SPTBN5: variants seen among roughly 807,000 people sequenced by gnomAD.
SPTBN5 encodes spectrin beta chain, non-erythrocytic 5.
A neutral mutation model predicts 477.6 loss-of-function variants in SPTBN5; 513 were observed. That is an observed-to-expected ratio of 1.07 (90% CI 1.00 to 1.16). SPTBN5 has a LOEUF of 1.16. Ranked by LOEUF, SPTBN5 falls within the 50% of genes most tolerant of loss-of-function variation. The pLI, the probability that SPTBN5 is intolerant of heterozygous loss-of-function variation, is 0.00. For missense variants in SPTBN5, 5,062 were observed against 4,731.8 expected, an observed-to-expected ratio of 1.07 and a Z score of -2.05; for synonymous variants, 2,169 against 2,011.7, an observed-to-expected ratio of 1.08 and a Z score of -2.09.
chr15:41,849,803 G>T, intron 67 of SPTBN5, 66 bp downstream of exon 67: 2 of 1,283,572 alleles, frequency 1.6e-6, no homozygotes, highest in Admixed American at 2.0e-5. Flanking sequence ...GGCTTCAGAG[G>T]ACAGCGCCTG....
chr15:41,876,284 C>A lies in SPTBN5; in HGVS notation c.3952G>T (p.Glu1318Ter). The A allele has an allele frequency of 6.4e-7, 1 of 1,559,432 alleles. No homozygotes were observed. The highest frequency in any genetic ancestry group is 8.7e-7 in the Non-Finnish European group (1 of 1,151,872). The stretch of plus-strand genomic sequence containing the variant: ...AGCTCTGCCACATCCTGCTTCCACT[C>A]CTGCCAAGAACCAGGCGAGAGTGGG... ...RQLLASLQLQ[E>*]WKQDVAELMQ... Residue 1318 changes from glutamate (E) to a stop codon, truncating the protein, a stop_gained and splice_region_variant, in exon 21 of 68, where the codon GAG becomes TAG. Transcript: ENST00000320955. LOFTEE classifies it high-confidence loss of function.
rs763818296 is a variant in SPTBN5, at chr15:41,857,679, G to C, written c.8258C>G (p.Pro2753Arg). ...TCGCTCCTGGATGGCCTCCGAGGCT[G>C]GGTGGCCCCCCTGCAGCAGCCTCTG... ...EGQRLLQGGH[P>R]ASEAIQERLE... Residue 2753 changes from proline (P) to arginine (R), a missense_variant, in exon 50 of 68, where the codon CCA (proline) becomes CGA (arginine). Pro to Arg is a moderately radical substitution (Grantham distance 103, BLOSUM62 -2). Transcript: ENST00000320955. 1.3e-6 allele frequency: 2 copies of C among 1,584,046 alleles called. No individual in the cohort carries two copies. Among genetic ancestry groups the C allele is most frequent in the Non-Finnish European group, 1.7e-6 (2 of 1,166,064 alleles).
Position 41,878,709 on chromosome 15 carries a change from G to C in SPTBN5, c.3183-80C>G, listed in dbSNP as rs570377957. ...AGGCACATGTCCTCTCTCCAAACCT[G>C]CATCCCCCAGGGAGAGTGGTGCTGA... On this transcript the variant is annotated intron_variant, in intron 16 of 67. Transcript: ENST00000320955. The C allele has an allele frequency of 3.3e-5, 48 of 1,449,364 alleles. No homozygotes were observed. The East Asian group carries it at 8.6e-4, about 26-fold the overall frequency. The allele number at this position is 1,449,364 out of a possible 1,614,324, so 89.8% of individuals were successfully genotyped here.
chr15:41,848,528 C>G lies in SPTBN5; in HGVS notation c.*88G>C. 3 of 1,509,304 alleles carry G rather than the reference C, an allele frequency of 2.0e-6. No individual in the cohort carries two copies. The Admixed American group carries it at 5.0e-5, about 25-fold the overall frequency. The allele number at this position is 1,509,304 out of a possible 1,614,324, so 93.5% of individuals were successfully genotyped here. Reference sequence around the variant, plus strand: ...GGTTGAAGCAGCCACGGGAAGGAGCCCTTTTGCCTGTAGCTGAGTCTTATT... The same window carrying G: ...GGTTGAAGCAGCCACGGGAAGGAGCGCTTTTGCCTGTAGCTGAGTCTTATT... On this transcript the variant is annotated 3_prime_UTR_variant, in exon 68 of 68. Coordinates refer to ENST00000320955, the MANE Select transcript of SPTBN5 (RefSeq NM_016642.4).
Position 41,867,129 on chromosome 15 carries a change from G to A in SPTBN5, c.6313-3C>T, listed in dbSNP as rs755182198. ...AGCCGCTCACGCAGGGCTGCCTCCTGTGGGGCAGGGGCACAGCTGCTGCTC... is the reference window on the plus strand; with the variant it reads ...AGCCGCTCACGCAGGGCTGCCTCCTATGGGGCAGGGGCACAGCTGCTGCTC... On this transcript the variant is annotated splice_region_variant and splice_polypyrimidine_tract_variant and intron_variant, in intron 35 of 67. Coordinates refer to ENST00000320955, the MANE Select transcript of SPTBN5 (RefSeq NM_016642.4). 2 of 1,527,928 alleles carry A rather than the reference G, an allele frequency of 1.3e-6. No homozygotes were observed. Among genetic ancestry groups the A allele is most frequent in the South Asian group, 2.4e-5 (2 of 82,478 alleles). The allele number at this position is 1,527,928 out of a possible 1,614,324, so 94.6% of individuals were successfully genotyped here. A position where few individuals can be genotyped will look rare whatever the true frequency, so the allele number is the denominator to read the frequency against.
chr15:41,865,946 C>T (rs747630012), intron 38 of SPTBN5, 43 bp from the exon 39 acceptor site: 14 of 1,548,298 alleles, frequency 9.0e-6, no homozygotes, highest in East Asian at 7.3e-5. Flanking sequence ...TGAGCACCAG[C>T]CCAGGCTCCT....
chr15:41,858,886 G>T lies in SPTBN5; in HGVS notation c.8079+4C>A. ...GACCGCCTCCCTCTCCAAGCGAGGC[G>T]AACCTCCTGGGAGTCCTGCAGGAAG... is the stretch of plus-strand genomic sequence containing the variant. On this transcript the variant is annotated splice_donor_region_variant and intron_variant, in intron 48 of 67. Transcript: ENST00000320955. 2 of 1,578,012 alleles carry T rather than the reference G, an allele frequency of 1.3e-6. No individual in the cohort carries two copies. Among genetic ancestry groups the T allele is most frequent in the Non-Finnish European group, 1.7e-6 (2 of 1,159,154 alleles).
intron 9 of SPTBN5, 80 bp from the exon 10 acceptor site, chr15:41,882,818 T>A (rs2067018032): frequency 1.3e-6 from 2 of 1,504,270 alleles, no homozygotes; most frequent in African/African-American, 2.8e-5. Flanking sequence ...GTTTAGACAC[T>A]CCCCTTAGAC....
chr15:41,848,599 T>G lies in SPTBN5; in HGVS notation c.*17A>C. Reference sequence around the variant, plus strand: ...TCGCTTGTGCCCCTGAAGTTTGGTGTTGCACTGGGGTTCACCTCAGGGATC... The same window carrying G: ...TCGCTTGTGCCCCTGAAGTTTGGTGGTGCACTGGGGTTCACCTCAGGGATC... On this transcript the variant is annotated 3_prime_UTR_variant, in exon 68 of 68. Transcript: ENST00000320955. The G allele has an allele frequency of 6.2e-7, 1 of 1,613,904 alleles. No individual in the cohort carries two copies. Among genetic ancestry groups the G allele is most frequent in the Non-Finnish European group, 8.5e-7 (1 of 1,179,806 alleles).
chr15:41,852,021 G>C, intron 62 of SPTBN5, 161 bp downstream of exon 62: 4 of 965,628 alleles, frequency 4.1e-6, no homozygotes, highest in Non-Finnish European at 6.1e-6. Context: ...GGGTGGTATG[G>C]CTGTAGACAG....
chr15:41,866,874 C>T (rs1418070818), intron 36 of SPTBN5, 85 bp downstream of exon 36: 4 of 1,445,536 alleles, frequency 2.8e-6, no homozygotes, highest in Admixed American at 4.9e-5. Context: ...CCTGTTTCCG[C>T]CTCACAGTGT....
chr15:41,876,323 T>A, intron 20 of SPTBN5, 39 bp from the exon 21 acceptor site: 1 of 1,506,578 alleles, frequency 6.6e-7, no homozygotes, highest in Non-Finnish European at 8.9e-7. Context: ...CAGAGCACGG[T>A]GGGTGGGGGC....
Position 41,871,461 on chromosome 15 carries a change from C to T in SPTBN5, c.5361G>A (p.Val1787=), listed in dbSNP as rs1296071690. ...QHQVEMGSQR[V]AACRLLAESL... is the part of the protein sequence containing the mutation. Reference sequence around the variant, plus strand: ...TCTCCGCCAGCAGCCGGCAGGCGGCCACCCGCTGGCTGCCCATCTCCACTT... The same window carrying T: ...TCTCCGCCAGCAGCCGGCAGGCGGCTACCCGCTGGCTGCCCATCTCCACTT... The change falls in exon 29 of 68, where the codon GTG becomes GTA. Residue 1787 remains valine, a synonymous_variant. Transcript: ENST00000320955. 6.5e-7 allele frequency: 1 copy of T among 1,539,328 alleles called. No individual in the cohort carries two copies. The highest frequency in any genetic ancestry group is 1.4e-5 in the African/African-American group (1 of 72,784).
chr15:41,889,752 A>C (rs574402110), intron 4 of SPTBN5, among the ~76,000 whole-genome samples: 1 of 152,214 alleles, frequency 6.6e-6, no homozygotes, highest in Non-Finnish European at 1.5e-5. Context: ...GGTGTAATGG[A>C]AGTTACAGAG....
rs2066491594 is a variant in SPTBN5, at chr15:41,870,372, CGAG to C, written c.5563-22_5563-20del. 6.9e-6 allele frequency: 11 copies of C among 1,591,296 alleles called. No individual in the cohort carries two copies. Among genetic ancestry groups the C allele is most frequent in the Non-Finnish European group, 7.7e-6 (9 of 1,169,126 alleles). On this transcript the variant is annotated intron_variant, in intron 30 of 67. Transcript: ENST00000320955. ...CTTTCTCCTGAGGAAGGGAGAATGCCGAGGAGATGAGGGATGGAGCGTGGGCAC... is the reference window on the plus strand; with the variant it reads ...CTTTCTCCTGAGGAAGGGAGAATGCCGAGATGAGGGATGGAGCGTGGGCAC...
At position 41,882,383 on chromosome 15, in the gene SPTBN5, TG is replaced by T; in HGVS notation, c.2132del (p.Pro711GlnfsTer74). On this transcript the variant is annotated frameshift_variant, in exon 11 of 68. Coordinates refer to ENST00000320955, the MANE Select transcript of SPTBN5 (RefSeq NM_016642.4). LOFTEE classifies it high-confidence loss of function. The stretch of plus-strand genomic sequence containing the variant: ...CCCGTTCCCCGGGATCCGGCTGCGT[TG>T]GGGGCCTGCGGGCGCTGAGGTCGCG... Reference protein sequence around the residue: ...RGRDLSARRPPTQPDPGERAE... With the variant: ...RGRDLSARRPXTQPDPGERAE... The T allele has an allele frequency of 1.3e-6, 2 of 1,537,840 alleles. No individual in the cohort carries two copies. The highest frequency in any genetic ancestry group is 1.2e-5 in the South Asian group (1 of 84,134).
rs757381152 is a variant in SPTBN5, at chr15:41,862,678, G to A, written c.7264-18C>T. On this transcript the variant is annotated intron_variant, in intron 42 of 67. Coordinates refer to ENST00000320955, the MANE Select transcript of SPTBN5 (RefSeq NM_016642.4). ...TCTAGGGACTGCGGGGGAAGCCGGG[G>A]TCAGAGGCTGGGGCAGGGGAGCTCT... is the stretch of plus-strand genomic sequence containing the variant. The A allele has an allele frequency of 7.8e-6, 12 of 1,545,614 alleles. No individual in the cohort carries two copies. The South Asian group carries it at 1.4e-4, about 18-fold the overall frequency.
intron 58 of SPTBN5, 66 bp downstream of exon 58, chr15:41,853,516 C>A: frequency 6.5e-7 from 1 of 1,537,062 alleles, no homozygotes. Context: ...TCCAGCTCCC[C>A]CAAGAGCCAG....
Position 41,876,204 on chromosome 15 carries a change from C to T in SPTBN5, c.4032G>A (p.Ala1344=), listed in dbSNP as rs371606407. The T allele has an allele frequency of 5.9e-4, 953 of 1,605,362 alleles. 4 individuals are homozygous for T. In the African/African-American group the frequency reaches 0.011, roughly 18 times the overall value. ...GLMAAHEPSG[A]RRNILQTLKR... The stretch of plus-strand genomic sequence containing the variant: ...TGAGTGTCTGCAGGATGTTTCTGCG[C>T]GCTCCGGAGGGCTCATGCGCAGCCA... Residue 1344 remains alanine (A), a synonymous_variant, in exon 21 of 68, where the codon GCG becomes GCA. Coordinates refer to ENST00000320955, the MANE Select transcript of SPTBN5 (RefSeq NM_016642.4).
Sources: allele counts gnomAD v4.1 joint callset (sites outside exome capture counted in the v4.1 genomes callset), GRCh38; gene constraint gnomAD v4.1.1; transcripts MANE v1.5; gene names NCBI Gene and HGNC (gene_info 2026-07-23, HGNC 2026-07-21).